The following SLC37A2 variants were observed in gnomAD, a reference collection of about 807,000 sequenced individuals.
SLC37A2 encodes solute carrier family 37 member 2.
In SLC37A2, 59 loss-of-function variants were observed where a neutral mutation model predicts 70.7. The ratio of observed to expected loss-of-function variants is 0.83; its 90% CI spans 0.68 to 1.04. SLC37A2 has a LOEUF of 1.04. Ranked by LOEUF, SLC37A2 falls within the 50% of genes least tolerant of loss-of-function variation. The pLI is 0.00. For synonymous variants in SLC37A2, 257 were observed against 262.1 expected (o/e 0.98, Z 0.19); for missense variants, 580 against 658.1 (o/e 0.88, Z 1.30).
intron 4 of SLC37A2, among the ~76,000 whole-genome samples, chr11:125,078,313 G>A (rs1484934605): frequency 6.6e-6 from 1 of 152,240 alleles, no homozygotes; most frequent in Non-Finnish European, 1.5e-5. Flanking sequence ...GGGCAGAGAC[G>A]CATGGAAGGG....
intron 8 of SLC37A2, 74 bp downstream of exon 8, chr11:125,081,532 G>A: frequency 6.6e-7 from 1 of 1,524,774 alleles, no homozygotes; most frequent in South Asian, 1.3e-5. Context: ...AGAGGCCTGG[G>A]GAGCTAGAGC....
Position 125,083,861 on chromosome 11 carries a change from T to C in SLC37A2, c.1023T>C (p.Asp341=), listed in dbSNP as rs1380887793. ...CTGGGGACCTGTCTACACTCTTCGA[T>C]GTTGGTGGCATCATAGGTGAGGCCT... is the stretch of plus-strand genomic sequence containing the variant. ...KEAGDLSTLF[D]VGGIIGGIVA... is the part of the protein sequence containing the mutation. The change falls in exon 11 of 18, where the codon GAT becomes GAC. Residue 341 remains aspartate (D), a synonymous_variant. Coordinates refer to ENST00000403796, the MANE Select transcript of SLC37A2 (RefSeq NM_001145290.2). The surrounding 1 kb of genome is among the most constrained non-coding windows in gnomAD (Gnocchi z 4.6). 1.9e-6 allele frequency: 3 copies of C among 1,614,116 alleles called. No homozygotes were observed. The highest frequency in any genetic ancestry group is 1.6e-4 in the Middle Eastern group (1 of 6,062).
At chr11:125,074,802 G>T (rs909329805) in intron 1 of SLC37A2, among the ~76,000 whole-genome samples, 3 of 152,244 alleles carry the variant, frequency 2.0e-5, no homozygotes, top group Non-Finnish European at 4.4e-5. Flanking sequence ...AACAGTCATA[G>T]CTGGGGCCCC....
intron 1 of SLC37A2, among the ~76,000 whole-genome samples, chr11:125,071,145 G>A (rs562821509): frequency 6.6e-6 from 1 of 152,266 alleles, no homozygotes; most frequent in East Asian, 1.9e-4. Flanking sequence ...TGTGGGGTGG[G>A]GGGGCGGTGT....
In SLC37A2 at chr11:125,079,678, C is replaced by T. The variant is rs767170245; in HGVS notation, c.451-6C>T. ...TGTTCCCACCCTCCCTTCTCTCTCC[C>T]TGCAGGTCTGTAATGGACTCGTCCA... On this transcript the variant is annotated splice_region_variant and splice_polypyrimidine_tract_variant and intron_variant, in intron 5 of 17. Coordinates refer to ENST00000403796, the MANE Select transcript of SLC37A2 (RefSeq NM_001145290.2). 1 of 1,594,584 alleles carries T rather than the reference C, an allele frequency of 6.3e-7. No individual in the cohort carries two copies. The highest frequency in any genetic ancestry group is 8.5e-7 in the Non-Finnish European group (1 of 1,169,720).
At position 125,085,751 on chromosome 11, in the gene SLC37A2, C is replaced by T. The variant is rs904431440; in HGVS notation, c.1425+77C>T. 24 of 1,513,038 alleles carry T rather than the reference C, an allele frequency of 1.6e-5. No homozygotes were observed. In the African/African-American group the frequency reaches 2.3e-4, roughly 15 times the overall value. 93.7% of individuals were successfully genotyped at this position (1,513,038 alleles called of 1,614,324 possible). A position where few individuals can be genotyped will look rare whatever the true frequency, so the allele number is the denominator to read the frequency against. On this transcript the variant is annotated intron_variant, in intron 16 of 17. Transcript: ENST00000403796. ...AGACTGGAACCCTGGAGGTCCAAAG[C>T]GTTGGCCATTTGGGGTTCTGGGGCA...
chr11:125,076,329 A>G (rs568659569), intron 1 of SLC37A2, among the ~76,000 whole-genome samples: 1 of 152,226 alleles, frequency 6.6e-6, no homozygotes, highest in South Asian at 2.1e-4. Flanking sequence ...CTTTAAAAAC[A>G]GACCCTTCTC....
In SLC37A2 at chr11:125,084,197, G is replaced by A. The variant is rs374822921; in HGVS notation, c.1040-37G>A. The stretch of plus-strand genomic sequence containing the variant: ...CCAGGCGAGGGGATGGCAGGGTCCT[G>A]TCTGGGAGTCAGTGCGTGAGTGGCT... On this transcript the variant is annotated intron_variant, in intron 11 of 17. Transcript: ENST00000403796. 5 of 1,611,748 alleles carry A rather than the reference G, an allele frequency of 3.1e-6. No homozygotes were observed. The African/African-American group carries it at 6.7e-5, about 22-fold the overall frequency.
intron 1 of SLC37A2, among the ~76,000 whole-genome samples, chr11:125,076,089 T>C (rs903655843): frequency 1.3e-5 from 2 of 151,980 alleles, no homozygotes; most frequent in African/African-American, 4.8e-5. Context: ...CACTGTTCTT[T>C]CCATCCCGGG....
In SLC37A2 at chr11:125,088,914, T is replaced by C. The variant is rs1480643517; in HGVS notation, c.*780T>C. On this transcript the variant is annotated 3_prime_UTR_variant, in exon 18 of 18. Coordinates refer to ENST00000403796, the MANE Select transcript of SLC37A2 (RefSeq NM_001145290.2). ...TAAAAATACCAGTATGTGTATTAAGTATTTTGAGAATGAAATGCCAAGGAG... is the reference window on the plus strand; with the variant it reads ...TAAAAATACCAGTATGTGTATTAAGCATTTTGAGAATGAAATGCCAAGGAG... The C allele has an allele frequency of 6.6e-6, 1 of 150,618 alleles. No individual in the cohort carries two copies. The highest frequency in any genetic ancestry group is 2.5e-5 in the African/African-American group (1 of 40,524). 9.3% of individuals were successfully genotyped at this position (150,618 alleles called of 1,614,324 possible).
chr11:125,085,897 ACTCAGTG>A (rs1949208018), intron 16 of SLC37A2, 50 bp from the exon 17 acceptor site: 2 of 1,511,906 alleles, frequency 1.3e-6, no homozygotes, highest in South Asian at 1.1e-5. Flanking sequence ...GGTGCTGGGC[ACTCAGTG>A]CTCAGTGCTA....
Position 125,081,691 on chromosome 11 carries a change from C to T in SLC37A2, c.733-63C>T. The T allele has an allele frequency of 2.0e-6, 3 of 1,515,370 alleles. No homozygotes were observed. The South Asian group carries it at 3.9e-5, about 20-fold the overall frequency. The allele number at this position is 1,515,370 out of a possible 1,614,324, so 93.9% of individuals were successfully genotyped here. On this transcript the variant is annotated intron_variant, in intron 8 of 17. Transcript: ENST00000403796. Reference sequence around the variant, plus strand: ...GCCAGTGTCTCTTGCCTGGGCTGCACCTTCAGCTGGTGGGAGGCAGCACAT... The same window carrying T: ...GCCAGTGTCTCTTGCCTGGGCTGCATCTTCAGCTGGTGGGAGGCAGCACAT...
chr11:125,066,454 C>T (rs1284434870), intron 1 of SLC37A2, among the ~76,000 whole-genome samples: 3 of 152,216 alleles, frequency 2.0e-5, no homozygotes. Flanking sequence ...TAACTGATTA[C>T]AGAGCCTTTA....
chr11:125,081,832 A>T lies in SLC37A2; in HGVS notation c.811A>T (p.Thr271Ser). Reference protein sequence around the residue: ...PCSIRESGLETVAKCSKGPCE... With the variant: ...PCSIRESGLESVAKCSKGPCE... ...CTCTATCAGGGAGAGCGGCCTTGAG[A>T]CTGTGGCCAAATGCTCCAAGGGGCC... The change falls in exon 9 of 18, where the codon ACT (threonine) becomes TCT (serine). Residue 271 changes from threonine to serine, a missense_variant. By Grantham distance (58) the Thr-to-Ser change is moderately conservative. Transcript: ENST00000403796. 6.2e-7 allele frequency: 1 copy of T among 1,613,968 alleles called. No homozygotes were observed. Among genetic ancestry groups the T allele is most frequent in the Non-Finnish European group, 8.5e-7 (1 of 1,179,934 alleles).
rs1350874154 is a variant in SLC37A2 at position 125,082,240 on chromosome 11, C to T, written c.886-4C>T. The T allele has an allele frequency of 1.2e-6, 2 of 1,613,678 alleles. No homozygotes were observed. Among genetic ancestry groups the T allele is most frequent in the Non-Finnish European group, 1.7e-6 (2 of 1,179,810 alleles). ...TCCCATGTGCCCCCTGTTGCACTCC[C>T]CAGGGCGTGGTCGAGTTCTCTCTGT... is the stretch of plus-strand genomic sequence containing the variant. On this transcript the variant is annotated splice_region_variant and splice_polypyrimidine_tract_variant and intron_variant, in intron 9 of 17. Transcript: ENST00000403796.
chr11:125,077,435 C>T lies in SLC37A2; in HGVS notation c.236-15C>T. On this transcript the variant is annotated splice_polypyrimidine_tract_variant and intron_variant, in intron 3 of 17. Transcript: ENST00000403796. ...TCCACGCAGTCAGCTTTCTGTTTCT[C>T]CCATCTGCTTTCAGACAAGGACAAC... 6.2e-7 allele frequency: 1 copy of T among 1,611,792 alleles called. No individual in the cohort carries two copies. The highest frequency in any genetic ancestry group is 8.5e-7 in the Non-Finnish European group (1 of 1,178,458).
chr11:125,079,260 G>A lies in SLC37A2; in HGVS notation c.450+13G>A, dbSNP rs764069526. ...TGTGGTCATCCAGGTATGAATCACCGTCTTGCACTTGGGCCTGTGTTGCCG... is the reference window on the plus strand; with the variant it reads ...TGTGGTCATCCAGGTATGAATCACCATCTTGCACTTGGGCCTGTGTTGCCG... On this transcript the variant is annotated intron_variant, in intron 5 of 17. Transcript: ENST00000403796. 1.7e-5 allele frequency: 28 copies of A among 1,613,920 alleles called. No individual in the cohort carries two copies. Among genetic ancestry groups the A allele is most frequent in the Non-Finnish European group, 2.3e-5 (27 of 1,179,960 alleles).
chr11:125,063,523 G>A lies in SLC37A2; in HGVS notation c.59+97G>A, dbSNP rs1245560196. The A allele has an allele frequency of 6.8e-6, 8 of 1,184,746 alleles. No individual in the cohort carries two copies. The highest frequency in any genetic ancestry group is 9.5e-6 in the Non-Finnish European group (8 of 846,080). 73.4% of individuals were successfully genotyped at this position (1,184,746 alleles called of 1,614,324 possible). A position where few individuals can be genotyped will look rare whatever the true frequency, so the allele number is the denominator to read the frequency against. ...TCGGAGATCACCCCAGATCGGCCCC[G>A]GCGTCGCCGCGTGGCCAGGGGTGCT... On this transcript the variant is annotated intron_variant, in intron 1 of 17. Transcript: ENST00000403796. This position sits in a 1 kb window ranked among gnomAD's most constrained non-coding sequence, Gnocchi z 5.4.
chr11:125,083,965 G>T lies in SLC37A2; in HGVS notation c.1039+88G>T. 1.5e-6 allele frequency: 2 copies of T among 1,331,210 alleles called. No individual in the cohort carries two copies. The highest frequency in any genetic ancestry group is 2.4e-5 in the South Asian group (2 of 83,840). 82.5% of individuals were successfully genotyped at this position (1,331,210 alleles called of 1,614,324 possible). The stretch of plus-strand genomic sequence containing the variant: ...AGAAGGGACAGGTCCGATGGGCTAT[G>T]ACCTGGGTAGGTGGCACCAGAGGAA... On this transcript the variant is annotated intron_variant, in intron 11 of 17. Coordinates refer to ENST00000403796, the MANE Select transcript of SLC37A2 (RefSeq NM_001145290.2). The surrounding 1 kb of genome is among the most constrained non-coding windows in gnomAD (Gnocchi z 4.6).
Sources: gnomAD v4.1 joint callset for allele counts (sites outside exome capture counted in the v4.1 genomes callset) on GRCh38, gnomAD v4.1.1 for gene constraint, Gnocchi (gnomAD v3.1) non-coding constraint, MANE v1.5 for transcripts, NCBI Gene and HGNC (gene_info 2026-07-23, HGNC 2026-07-21) for gene names.